NELL1: variants seen among roughly 807,000 people sequenced by gnomAD.
The protein encoded by NELL1 is protein kinase C-binding protein NELL1.
In NELL1, 76 loss-of-function variants were observed where a neutral mutation model predicts 107.4. The ratio of observed to expected loss-of-function variants is 0.71; its 90% CI spans 0.59 to 0.86. The LOEUF (loss-of-function observed/expected upper bound fraction) is 0.86. Among genes scored for constraint, NELL1 ranks in the 40% least tolerant of loss-of-function variants. The pLI is 0.00. For missense variants in NELL1, 1,024 were observed against 1,005.5 expected (o/e 1.02, Z -0.25); for synonymous variants, 353 against 341.2 (o/e 1.03, Z -0.38).
chr11:21,300,425 C>T (rs1590817052), intron 14 of NELL1, among the ~76,000 whole-genome samples: 1 of 151,962 alleles, frequency 6.6e-6, no homozygotes, highest in East Asian at 1.9e-4. Flanking sequence ...ATTCACATTT[C>T]TGGGCTAGGA....
chr11:21,574,356 T>C (rs1483576063), intron 19 of NELL1, among the ~76,000 whole-genome samples: 1 of 151,780 alleles, frequency 6.6e-6, no homozygotes, highest in Admixed American at 6.6e-5. Flanking sequence ...CATCTGTACC[T>C]TCAGTCCCAG....
chr11:20,707,821 C>T (rs1855007479), intron 2 of NELL1, among the ~76,000 whole-genome samples: 1 of 152,216 alleles, frequency 6.6e-6, no homozygotes, highest in African/African-American at 2.4e-5. Context: ...GCAGTCTGTC[C>T]ATTCTCAGAT....
At chr11:21,152,596 G>A (rs1399080015) in intron 13 of NELL1, among the ~76,000 whole-genome samples, 1 of 152,174 alleles carries the variant, frequency 6.6e-6, no homozygotes, top group Non-Finnish European at 1.5e-5. Context: ...TAATACAGCA[G>A]ACTGTTAGAT....
chr11:21,099,355 G>T (rs1007821515), intron 12 of NELL1, among the ~76,000 whole-genome samples: 2 of 152,058 alleles, frequency 1.3e-5, no homozygotes, highest in Non-Finnish European at 2.9e-5. Context: ...CAGCCCTGGG[G>T]TTGTCAGCAG....
chr11:21,080,202 T>A (rs1341650105), intron 12 of NELL1, among the ~76,000 whole-genome samples: 2 of 152,080 alleles, frequency 1.3e-5, no homozygotes, highest in African/African-American at 2.4e-5. Flanking sequence ...ATATAATGGC[T>A]TTATTTTTAA....
At chr11:21,519,811 T>G (rs948221362) in intron 15 of NELL1, among the ~76,000 whole-genome samples, 22 of 152,084 alleles carry the variant, frequency 1.4e-4, no homozygotes, top group Admixed American at 1.4e-3. Context: ...CTAAAATTGT[T>G]ATATCAGGCA....
intron 13 of NELL1, among the ~76,000 whole-genome samples, chr11:21,185,289 G>A (rs1856909531): frequency 1.6e-5 from 2 of 128,848 alleles, no homozygotes; most frequent in Middle Eastern, 4.3e-3. Flanking sequence ...TTTAATTCCA[G>A]TATCTTTTTT....
chr11:20,707,184 GT>G (rs2133890498), intron 2 of NELL1, among the ~76,000 whole-genome samples: 1 of 152,264 alleles, frequency 6.6e-6, no homozygotes, highest in African/African-American at 2.4e-5. Flanking sequence ...TTGTCACGTA[GT>G]TCTCCTGCCA....
At chr11:21,410,951 G>A (rs945142741) in intron 15 of NELL1, among the ~76,000 whole-genome samples, 4 of 151,996 alleles carry the variant, frequency 2.6e-5, no homozygotes, top group African/African-American at 7.2e-5. Flanking sequence ...TTCATATGGT[G>A]ATATCTTCTG....
At chr11:20,913,529 T>C (rs1850178788) in intron 5 of NELL1, among the ~76,000 whole-genome samples, 1 of 152,104 alleles carries the variant, frequency 6.6e-6, no homozygotes, top group Non-Finnish European at 1.5e-5. Context: ...AGAAACGTTC[T>C]AGGAATAATA....
intron 13 of NELL1, among the ~76,000 whole-genome samples, chr11:21,167,082 A>C (rs561179759): frequency 2.6e-5 from 4 of 152,022 alleles, no homozygotes; most frequent in African/African-American, 9.7e-5. Flanking sequence ...AAAAGTCCAG[A>C]CATAATATAC....
Position 20,947,363 on chromosome 11 carries a change from A to T in NELL1, c.1099A>T (p.Met367Leu). ...RGGVLVKITE[M>L]CPPLNCSEKD... ...TGGAGTTTTAGTAAAAATTACAGAA[A>T]TGTGTCCTCCTTTGAACTGCTCAGA... is the stretch of plus-strand genomic sequence containing the variant. The change falls in exon 11 of 20, where the codon ATG (methionine) becomes TTG (leucine). Residue 367 changes from methionine to leucine, a missense_variant. Transcript: ENST00000357134. The T allele has an allele frequency of 6.2e-7, 1 of 1,613,982 alleles. No individual in the cohort carries two copies. Among genetic ancestry groups the T allele is most frequent in the Non-Finnish European group, 8.5e-7 (1 of 1,179,916 alleles).
In NELL1 at chr11:20,886,738, C is replaced by T. The variant is rs749722484; in HGVS notation, c.603+1198C>T. 5.1e-4 allele frequency among the ~76,000 whole-genome samples: 77 copies of T among 152,140 alleles called. 1 individual carries two copies. The highest frequency in any genetic ancestry group is 9.7e-4 in the Non-Finnish European group (66 of 68,036). On this transcript the variant is annotated intron_variant, in intron 5 of 19. Coordinates refer to ENST00000357134, the MANE Select transcript of NELL1 (RefSeq NM_006157.5). The stretch of plus-strand genomic sequence containing the variant: ...TAGGAGAAATAACTAATGTAAATGA[C>T]GGGTTGATGGGTGCAGCAAACCAAC...
intron 15 of NELL1, among the ~76,000 whole-genome samples, chr11:21,404,006 C>CT (rs1554905735): frequency 2.9e-4 from 3 of 10,238 alleles, no homozygotes; most frequent in African/African-American, 4.7e-4. Flanking sequence ...CATTCCTGAA[C>CT]CCCCCCCCCC....
At chr11:21,257,463 A>G (rs1159685821) in intron 14 of NELL1, among the ~76,000 whole-genome samples, 1 of 151,928 alleles carries the variant, frequency 6.6e-6, no homozygotes, top group Non-Finnish European at 1.5e-5. Flanking sequence ...GAGATCTTCA[A>G]TCAGATCACT....
rs151032886 is a variant in NELL1, at chr11:21,066,787, C to T, written c.1301-46802C>T. Among the ~76,000 whole-genome samples the T allele has an allele frequency of 4.5e-3, 684 of 152,000 alleles. 9 individuals are homozygous for T. The highest frequency in any genetic ancestry group is 0.016 in the African/African-American group (645 of 41,436). On this transcript the variant is annotated intron_variant, in intron 12 of 19. Coordinates refer to ENST00000357134, the MANE Select transcript of NELL1 (RefSeq NM_006157.5). ...TCAGCAACATGGTGAAACCTTGTCT[C>T]TACTAAAAATACAAAAGTTAGCTGG...
chr11:21,118,223 TG>T lies in NELL1; in HGVS notation c.1426+4515del, dbSNP rs144336977. Among the ~76,000 whole-genome samples the T allele has an allele frequency of 9.5e-3, 1,448 of 152,002 alleles. 65 individuals carry two copies. In the East Asian group the frequency reaches 0.11, roughly 12 times the overall value. On this transcript the variant is annotated intron_variant, in intron 13 of 19. Transcript: ENST00000357134. ...TGTTTGAAATGTTTTCTGAAAGCAA[TG>T]GGGGGCTGTGGGAATTGACTGAGGC...
intron 15 of NELL1, among the ~76,000 whole-genome samples, chr11:21,433,557 TG>T (rs781720528): frequency 1.3e-5 from 2 of 152,230 alleles, no homozygotes; most frequent in Admixed American, 6.5e-5. Context: ...TTTGTGTTTT[TG>T]ATAACAGCCA....
At chr11:20,989,679 T>G (rs1851929009) in intron 12 of NELL1, among the ~76,000 whole-genome samples, 1 of 152,174 alleles carries the variant, frequency 6.6e-6, no homozygotes, top group Non-Finnish European at 1.5e-5. Flanking sequence ...CATAGCTTTT[T>G]AGTGACTTCT....
Sources: gnomAD v4.1 joint callset for allele counts (sites outside exome capture counted in the v4.1 genomes callset) on GRCh38, gnomAD v4.1.1 for gene constraint, MANE v1.5 for transcripts, NCBI Gene and HGNC (gene_info 2026-07-23, HGNC 2026-07-21) for gene names.